MPP7: variants seen among roughly 807,000 people sequenced by gnomAD.
The protein encoded by MPP7 is MAGUK p55 subfamily member 7.
Under a neutral mutation model 76.5 loss-of-function variants are expected in MPP7, and 60 were observed. The observed-to-expected ratio is 0.78, with a 90% CI of 0.64 to 0.97. The LOEUF (loss-of-function observed/expected upper bound fraction) is 0.97. Ranked by LOEUF, MPP7 falls within the 50% of genes least tolerant of loss-of-function variation. The probability of loss-of-function intolerance (pLI) is 0.00; values close to 1 mark genes in which losing one functional copy is unlikely to be tolerated. For missense variants in MPP7, 641 were observed against 694.0 expected, an observed-to-expected ratio of 0.92 and a Z score of 0.86; for synonymous variants, 237 against 244.5, an observed-to-expected ratio of 0.97 and a Z score of 0.29.
chr10:28,085,473 T>C (rs1359043474), intron 12 of MPP7, among the ~76,000 whole-genome samples: 2 of 152,180 alleles, frequency 1.3e-5, no homozygotes, highest in African/African-American at 4.8e-5. Context: ...CAGAGGGTAG[T>C]GAAACATGAC....
intron 12 of MPP7, among the ~76,000 whole-genome samples, chr10:28,076,367 G>A (rs1852483160): frequency 6.6e-6 from 1 of 152,088 alleles, no homozygotes; most frequent in Non-Finnish European, 1.5e-5. Context: ...CACCATGTAG[G>A]GGCTTACATA....
intron 8 of MPP7, among the ~76,000 whole-genome samples, chr10:28,121,466 A>T (rs1834837243): frequency 6.6e-6 from 1 of 152,128 alleles, no homozygotes. Flanking sequence ...CGAGTAAAAT[A>T]TCCAACGTAA....
intron 5 of MPP7, among the ~76,000 whole-genome samples, chr10:28,134,937 T>C (rs866375965): frequency 6.6e-5 from 10 of 152,122 alleles, no homozygotes; most frequent in Admixed American, 3.3e-4. Context: ...CCAGCAAAAG[T>C]ATCTTTCAAG....
intron 1 of MPP7, among the ~76,000 whole-genome samples, chr10:28,300,831 C>A (rs923808571): frequency 1.3e-4 from 19 of 151,410 alleles, no homozygotes; most frequent in Admixed American, 1.3e-3. Context: ...TGGTGGCATG[C>A]GCCTGTAGTC....
intron 11 of MPP7, among the ~76,000 whole-genome samples, chr10:28,091,531 G>A (rs771867144): frequency 3.9e-5 from 6 of 151,918 alleles, no homozygotes; most frequent in Non-Finnish European, 7.4e-5. Flanking sequence ...CAGGTAATCC[G>A]CCCTTCTCAG....
chr10:28,209,531 C>G (rs2134013488), intron 2 of MPP7, among the ~76,000 whole-genome samples: 1 of 150,692 alleles, frequency 6.6e-6, no homozygotes, highest in Non-Finnish European at 1.5e-5. Flanking sequence ...TGTCTTTCTG[C>G]TTTGTTTTCG....
intron 1 of MPP7, among the ~76,000 whole-genome samples, chr10:28,279,925 A>G (rs1180046696): frequency 6.6e-6 from 1 of 152,092 alleles, no homozygotes; most frequent in Non-Finnish European, 1.5e-5. Context: ...TATGACTGTC[A>G]TGAGCCAAGG....
At chr10:28,154,753 G>GC (rs1188014815) in intron 3 of MPP7, among the ~76,000 whole-genome samples, 1 of 137,022 alleles carries the variant, frequency 7.3e-6, no homozygotes, top group Admixed American at 8.3e-5. Context: ...GGTGGGGGGT[G>GC]GTGGGGAAAC....
intron 1 of MPP7, among the ~76,000 whole-genome samples, chr10:28,239,137 A>AT (rs11430703): frequency 0.16 from 24,505 of 150,998 alleles, 2,335 homozygotes; most frequent in African/African-American, 0.26. Flanking sequence ...TATAATTTTT[A>AT]TTTTTTTATT....
intron 3 of MPP7, among the ~76,000 whole-genome samples, chr10:28,193,006 GA>G (rs781751624): frequency 6.6e-6 from 1 of 152,242 alleles, no homozygotes; most frequent in Non-Finnish European, 1.5e-5. Context: ...CAATTCAATA[GA>G]AAAAGAATGG....
intron 1 of MPP7, among the ~76,000 whole-genome samples, chr10:28,250,482 G>C (rs907230889): frequency 6.6e-6 from 1 of 151,982 alleles, no homozygotes; most frequent in Non-Finnish European, 1.5e-5. Context: ...TAAGCCCATC[G>C]GCAAACACAG....
At chr10:28,298,512 C>A (rs1589039373) in intron 1 of MPP7, among the ~76,000 whole-genome samples, 1 of 152,164 alleles carries the variant, frequency 6.6e-6, no homozygotes, top group South Asian at 2.1e-4. Context: ...GTAAACCACG[C>A]CATAAACAGA....
intron 1 of MPP7, among the ~76,000 whole-genome samples, chr10:28,292,918 C>G (rs1483610418): frequency 1.3e-5 from 2 of 150,770 alleles, no homozygotes; most frequent in African/African-American, 4.9e-5. Context: ...CAGGTAGCAT[C>G]ACAAACCACT....
chr10:28,306,676 G>GAGAGAGAGAGAGAGAT (rs1554869519), upstream of MPP7, among the ~76,000 whole-genome samples: 10 of 151,736 alleles, frequency 6.6e-5, no homozygotes, highest in African/African-American at 2.4e-4. Context: ...GATAGAGAGA[G>GAGAGAGAGAGAGAGAT]AGAGAGAGAT....
At chr10:28,259,365 G>A (rs1239288846) in intron 1 of MPP7, among the ~76,000 whole-genome samples, 1 of 152,098 alleles carries the variant, frequency 6.6e-6, no homozygotes, top group Non-Finnish European at 1.5e-5. Context: ...GATTGCTTGA[G>A]CTCAAGAGTT....
At chr10:28,295,507 T>G (rs191487664) in intron 1 of MPP7, among the ~76,000 whole-genome samples, 4 of 152,200 alleles carry the variant, frequency 2.6e-5, no homozygotes, top group Admixed American at 2.6e-4. Flanking sequence ...GATCCCAGGC[T>G]CAACTCCAAA....
chr10:28,206,997 A>C (rs1251427093), intron 2 of MPP7, among the ~76,000 whole-genome samples: 3 of 152,192 alleles, frequency 2.0e-5, no homozygotes, highest in South Asian at 2.1e-4. Context: ...AACCATACCC[A>C]AAAATTTTGA....
At chr10:28,232,508 T>C (rs1325196000) in intron 2 of MPP7, among the ~76,000 whole-genome samples, 2 of 152,146 alleles carry the variant, frequency 1.3e-5, no homozygotes, top group African/African-American at 2.4e-5. Flanking sequence ...AAAAGCTTTA[T>C]GGAGGTGTGC....
chr10:28,192,336 C>T (rs911841475), intron 3 of MPP7, among the ~76,000 whole-genome samples: 4 of 152,128 alleles, frequency 2.6e-5, no homozygotes, highest in Non-Finnish European at 5.9e-5. Flanking sequence ...ATAAACAAAA[C>T]TGTCTTTGTT....
Sources: gnomAD v4.1 joint callset for allele counts (sites outside exome capture counted in the v4.1 genomes callset) on GRCh38, gnomAD v4.1.1 for gene constraint, MANE v1.5 for transcripts, NCBI Gene and HGNC (gene_info 2026-07-23, HGNC 2026-07-21) for gene names.